Variants in ANO10 observed in about 807,000 individuals in gnomAD.
ANO10 encodes anoctamin-10.
In ANO10, 77 loss-of-function variants were observed where a neutral mutation model predicts 74.7. That is an observed-to-expected ratio of 1.03 (90% confidence interval 0.86 to 1.25). The LOEUF (loss-of-function observed/expected upper bound fraction) is 1.25, where lower values mean the gene tolerates loss of function less well. ANO10 is among the 50% of genes most tolerant of loss of function. ANO10 has a pLI of 0.00. For missense variants in ANO10, 721 were observed against 778.1 expected (o/e 0.93, Z 0.87); for synonymous variants, 279 against 284.9 (o/e 0.98, Z 0.21).
chr3:43,440,432 A>G (rs917172552), intron 11 of ANO10, among the ~76,000 whole-genome samples: 1 of 152,198 alleles, frequency 6.6e-6, no homozygotes, highest in South Asian at 2.1e-4. Flanking sequence ...ATAGACTTTA[A>G]TTAACAAACT....
intron 1 of ANO10, among the ~76,000 whole-genome samples, chr3:43,609,055 A>C (rs1194077982): frequency 3.3e-5 from 5 of 152,234 alleles, no homozygotes; most frequent in Admixed American, 3.3e-4. Context: ...CATATAAGAC[A>C]CTGTATTGGT....
intron 11 of ANO10, among the ~76,000 whole-genome samples, chr3:43,481,382 T>C (rs1482648): frequency 0.22 from 33,811 of 152,100 alleles, 4,302 homozygotes; most frequent in Middle Eastern, 0.36. Flanking sequence ...GTACTAAGAC[T>C]GATACTCAAT....
intron 11 of ANO10, among the ~76,000 whole-genome samples, chr3:43,453,353 G>A (rs78118268): frequency 0.016 from 2,416 of 152,032 alleles, 142 homozygotes; most frequent in Admixed American, 0.11. Context: ...CTAATTTTCC[G>A]TATTTTTAGT....
chr3:43,444,312 G>A (rs2093208364), intron 11 of ANO10, among the ~76,000 whole-genome samples: 1 of 152,172 alleles, frequency 6.6e-6, no homozygotes, highest in African/African-American at 2.4e-5. Flanking sequence ...CTCTCATTCA[G>A]AGCCACATTT....
chr3:43,651,060 T>C (rs560057548), intron 1 of ANO10, among the ~76,000 whole-genome samples: 2 of 152,310 alleles, frequency 1.3e-5, no homozygotes, highest in Admixed American at 1.3e-4. Context: ...CTGTTACTTA[T>C]ACAAAAGCTG....
At chr3:43,431,364 C>T (rs985859040) in intron 12 of ANO10, among the ~76,000 whole-genome samples, 10 of 151,932 alleles carry the variant, frequency 6.6e-5, no homozygotes, top group African/African-American at 2.4e-4. Flanking sequence ...TGAGCCACTG[C>T]ACCCAGCCTA....
chr3:43,483,227 C>A lies in ANO10; in HGVS notation c.1798-50500G>T, dbSNP rs570016177. Among the ~76,000 whole-genome samples, 7 of 152,256 alleles carry A rather than the reference C, an allele frequency of 4.6e-5. No individual in the cohort carries two copies. The South Asian group carries it at 1.2e-3, about 27-fold the overall frequency. On this transcript the variant is annotated intron_variant, in intron 11 of 12. Coordinates refer to ENST00000292246, the MANE Select transcript of ANO10 (RefSeq NM_018075.5). ...TTCCTGTGGAAATAATGACTTCCTG[C>A]GTAACTCTAGCAAGAGTAAAAAAGA... is the stretch of plus-strand genomic sequence containing the variant.
intron 12 of ANO10, among the ~76,000 whole-genome samples, chr3:43,422,198 C>A (rs1222906795): frequency 6.6e-6 from 1 of 152,138 alleles, no homozygotes; most frequent in Non-Finnish European, 1.5e-5. Flanking sequence ...CTCATTGCAA[C>A]CTCTGCCTCA....
At chr3:43,565,756 G>A (rs764001307) in intron 7 of ANO10, 29 bp from the exon 8 acceptor site, 2 of 1,427,118 alleles carry the variant, frequency 1.4e-6, no homozygotes, top group African/African-American at 1.5e-5. Context: ...AAAAAGATAA[G>A]TGTTAAGCAC....
intron 11 of ANO10, among the ~76,000 whole-genome samples, chr3:43,534,527 G>C (rs1412552527): frequency 1.3e-5 from 2 of 151,704 alleles, no homozygotes; most frequent in Admixed American, 6.6e-5. Context: ...AGAGAGAGAA[G>C]GGGGTTGGGG....
At chr3:43,537,318 C>T (rs923047064) in intron 11 of ANO10, among the ~76,000 whole-genome samples, 1 of 152,078 alleles carries the variant, frequency 6.6e-6, no homozygotes, top group Admixed American at 6.6e-5. Context: ...ACTCATATCC[C>T]ACCTCCTTTT....
rs528212183 is a variant in ANO10, at chr3:43,540,599, C to T, written c.1797+9121G>A. Among the ~76,000 whole-genome samples the T allele has an allele frequency of 2.0e-5, 3 of 152,168 alleles. No individual in the cohort carries two copies. The South Asian group carries it at 6.2e-4, about 31-fold the overall frequency. On this transcript the variant is annotated intron_variant, in intron 11 of 12. Transcript: ENST00000292246. ...CATTAAATTATGCCAATTACAGTAA[C>T]AAGAATACCACACATAAACAGATTT...
At chr3:43,371,001 C>G (rs2091590802) in intron 12 of ANO10, among the ~76,000 whole-genome samples, 1 of 152,116 alleles carries the variant, frequency 6.6e-6, no homozygotes, top group South Asian at 2.1e-4. Flanking sequence ...CTCAAATGGC[C>G]CCTTCTCCCT....
At chr3:43,566,537 C>A (rs1045967991) in intron 7 of ANO10, among the ~76,000 whole-genome samples, 1 of 152,198 alleles carries the variant, frequency 6.6e-6, no homozygotes, top group Non-Finnish European at 1.5e-5. Flanking sequence ...CCCTGACCCC[C>A]GAGCAGCCTA....
intron 11 of ANO10, among the ~76,000 whole-genome samples, chr3:43,522,923 A>AAAGCTTTGGGGTCCAAAGCTTACAGTTC (rs1559645555): frequency 6.6e-6 from 1 of 152,134 alleles, no homozygotes; most frequent in Non-Finnish European, 1.5e-5. Flanking sequence ...AGTTTAGGGT[A>AAAGCTTTGGGGTCCAAAGCTTACAGTTC]AAAAATTATT....
At chr3:43,566,897 G>A (rs1400795317) in intron 7 of ANO10, among the ~76,000 whole-genome samples, 7 of 152,158 alleles carry the variant, frequency 4.6e-5, no homozygotes, top group Non-Finnish European at 1.0e-4. Flanking sequence ...GCTACGGGAG[G>A]ACATTCAAAC....
At chr3:43,541,975 C>T (rs1575383395) in intron 11 of ANO10, among the ~76,000 whole-genome samples, 1 of 152,270 alleles carries the variant, frequency 6.6e-6, no homozygotes, top group Non-Finnish European at 1.5e-5. Flanking sequence ...ATGTGAGGGC[C>T]ACAGCGGAAG....
At chr3:43,369,049 C>T (rs2091512025) in intron 12 of ANO10, among the ~76,000 whole-genome samples, 2 of 100,724 alleles carry the variant, frequency 2.0e-5, no homozygotes, top group East Asian at 3.5e-4. Flanking sequence ...GGGCCCCCTG[C>T]TCCACAGTAG....
chr3:43,403,894 C>T (rs2148876056), intron 12 of ANO10, among the ~76,000 whole-genome samples: 1 of 152,248 alleles, frequency 6.6e-6, no homozygotes, highest in South Asian at 2.1e-4. Flanking sequence ...CCCCCCACTA[C>T]ACAATGATTC....
Sources: gnomAD v4.1 joint callset for allele counts (sites outside exome capture counted in the v4.1 genomes callset) on GRCh38, gnomAD v4.1.1 for gene constraint, MANE v1.5 for transcripts, NCBI Gene and HGNC (gene_info 2026-07-23, HGNC 2026-07-21) for gene names.